The following AK9 variants were observed in gnomAD, a reference collection of about 807,000 sequenced individuals.
AK9 encodes the protein adenylate kinase 9, also known as adenylate kinase domain containing 1.
AK9 carries 191 observed loss-of-function variants against 239.6 expected under a neutral mutation model. The observed-to-expected ratio is 0.80, with a 90% CI of 0.71 to 0.90. AK9 has a LOEUF of 0.90. Ranked by LOEUF, AK9 falls within the 40% of genes least tolerant of loss-of-function variation. The pLI is 0.00. For synonymous variants in AK9, 689 were observed against 721.0 expected, an observed-to-expected ratio of 0.96 and a Z score of 0.71; for missense variants, 1,995 against 2,214.7, an observed-to-expected ratio of 0.90 and a Z score of 1.99.
At chr6:109,672,075 T>C in intron 4 of AK9, 40 bp downstream of exon 4, 3 of 1,612,508 alleles carry the variant, frequency 1.9e-6, no homozygotes, top group Non-Finnish European at 2.5e-6. Flanking sequence ...ACAGAGCTTT[T>C]TTTGTAATCA....
chr6:109,675,753 A>C lies in AK9; in HGVS notation c.-8T>G. ...CTTCTCTTGAGAAGTCATGACACAA[A>C]ATACTACAATAAAAAAGGGTAAGAT... On this transcript the variant is annotated 5_prime_UTR_variant, in exon 2 of 41. The change creates a new upstream start codon in the 5' untranslated region. Coordinates refer to ENST00000424296, the MANE Select transcript of AK9 (RefSeq NM_001145128.3). 2 of 1,506,008 alleles carry C rather than the reference A, an allele frequency of 1.3e-6. No individual in the cohort carries two copies. Among genetic ancestry groups the C allele is most frequent in the Non-Finnish European group, 1.8e-6 (2 of 1,103,244 alleles). The allele number at this position is 1,506,008 out of a possible 1,614,324, so 93.3% of individuals were successfully genotyped here. A position where few individuals can be genotyped will look rare whatever the true frequency, so the allele number is the denominator to read the frequency against.
intron 12 of AK9, among the ~76,000 whole-genome samples, chr6:109,620,841 T>C (rs1473497843): frequency 6.6e-6 from 1 of 151,290 alleles, no homozygotes; most frequent in Non-Finnish European, 1.5e-5. Flanking sequence ...ATATACTATA[T>C]ATACTATTCA....
chr6:109,512,191 T>A (rs1357467544), intron 32 of AK9, among the ~76,000 whole-genome samples: 8 of 152,196 alleles, frequency 5.3e-5, no homozygotes, highest in Admixed American at 6.5e-5. Flanking sequence ...AAAACCAAGA[T>A]GGCAATGAGA....
chr6:109,614,619 T>C (rs915368081), intron 13 of AK9, 139 bp from the exon 14 acceptor site: 7 of 668,948 alleles, frequency 1.0e-5, no homozygotes, highest in Middle Eastern at 4.1e-4. Context: ...GCTGTGTGAC[T>C]TTGGTAAATC....
At position 109,515,806 on chromosome 6, in the gene AK9, T is replaced by C. The variant is rs1291441210; in HGVS notation, c.4065+51A>G. 3 of 1,455,292 alleles carry C rather than the reference T, an allele frequency of 2.1e-6. No individual in the cohort carries two copies. The African/African-American group carries it at 4.3e-5, about 21-fold the overall frequency. The allele number at this position is 1,455,292 out of a possible 1,614,324, so 90.1% of individuals were successfully genotyped here. A position where few individuals can be genotyped will look rare whatever the true frequency, so the allele number is the denominator to read the frequency against. On this transcript the variant is annotated intron_variant, in intron 31 of 40. Transcript: ENST00000424296. Reference sequence around the variant, plus strand: ...TTTTCCTTTAAAAAAGACATACCTTTGAAAAAAATAAATAAGGAACATGGC... The same window carrying C: ...TTTTCCTTTAAAAAAGACATACCTTCGAAAAAAATAAATAAGGAACATGGC...
chr6:109,518,201 GA>G (rs1779463995), intron 29 of AK9, among the ~76,000 whole-genome samples: 1 of 152,110 alleles, frequency 6.6e-6, no homozygotes, highest in Admixed American at 6.5e-5. Flanking sequence ...AGAGCATCAG[GA>G]CCCATTCCTG....
intron 35 of AK9, among the ~76,000 whole-genome samples, chr6:109,504,294 T>A (rs1777887570): frequency 6.6e-6 from 1 of 151,000 alleles, no homozygotes; most frequent in African/African-American, 2.4e-5. Flanking sequence ...AGACTAGGAG[T>A]TCAAAGCTAC....
At chr6:109,574,884 G>A (rs564426414) in intron 20 of AK9, among the ~76,000 whole-genome samples, 11 of 152,040 alleles carry the variant, frequency 7.2e-5, no homozygotes, top group South Asian at 6.2e-4. Flanking sequence ...GCAAATTCCC[G>A]AAGTCTATTA....
At chr6:109,596,070 A>T (rs915306411) in intron 17 of AK9, among the ~76,000 whole-genome samples, 2 of 152,124 alleles carry the variant, frequency 1.3e-5, no homozygotes, top group Non-Finnish European at 2.9e-5. Context: ...TGGGTATTGC[A>T]GTTCAACCTC....
intron 24 of AK9, among the ~76,000 whole-genome samples, chr6:109,561,408 T>C (rs1785755443): frequency 6.6e-6 from 1 of 152,170 alleles, no homozygotes. Context: ...CTCGACCTCC[T>C]GGGCTCGGGC....
At chr6:109,568,399 A>G (rs1165573622) in intron 21 of AK9, among the ~76,000 whole-genome samples, 2 of 152,154 alleles carry the variant, frequency 1.3e-5, no homozygotes, top group Non-Finnish European at 2.9e-5. Context: ...CACCACTCCT[A>G]TTCAACATAG....
intron 17 of AK9, among the ~76,000 whole-genome samples, chr6:109,592,062 G>C (rs1369835041): frequency 6.6e-6 from 1 of 150,772 alleles, no homozygotes; most frequent in Middle Eastern, 3.2e-3. Context: ...TTCATGAAAT[G>C]AATCTTTTGC....
intron 1 of AK9, among the ~76,000 whole-genome samples, 186 bp from the exon 2 acceptor site, chr6:109,675,942 T>C (rs150894971): frequency 6.6e-6 from 1 of 152,082 alleles, no homozygotes; most frequent in South Asian, 2.1e-4. Context: ...AGCTCTTAGT[T>C]TGAGACAAAA....
intron 29 of AK9, among the ~76,000 whole-genome samples, chr6:109,516,963 T>C (rs1229444729): frequency 6.6e-6 from 1 of 152,172 alleles, no homozygotes; most frequent in Non-Finnish European, 1.5e-5. Context: ...TGTGACTTTA[T>C]GTTTATAGTT....
At chr6:109,591,847 C>G (rs1044432778) in intron 17 of AK9, among the ~76,000 whole-genome samples, 3 of 124,580 alleles carry the variant, frequency 2.4e-5, no homozygotes, top group Non-Finnish European at 5.4e-5. Context: ...TTTTTAAAAC[C>G]CTTTTCCTAT....
intron 8 of AK9, among the ~76,000 whole-genome samples, chr6:109,648,590 C>T (rs1798432232): frequency 6.6e-6 from 1 of 152,112 alleles, no homozygotes; most frequent in Admixed American, 6.5e-5. Flanking sequence ...GAAATTGACG[C>T]AATAATCAAT....
chr6:109,664,636 G>A (rs1272308584), intron 5 of AK9, among the ~76,000 whole-genome samples: 1 of 151,772 alleles, frequency 6.6e-6, no homozygotes, highest in Non-Finnish European at 1.5e-5. Flanking sequence ...TGTTGGCCAG[G>A]ATGGTCTCGA....
chr6:109,524,948 T>A (rs957657603), intron 29 of AK9, among the ~76,000 whole-genome samples: 1 of 152,154 alleles, frequency 6.6e-6, no homozygotes, highest in African/African-American at 2.4e-5. Context: ...AAACGAAGCA[T>A]AGAGTTATAC....
intron 21 of AK9, among the ~76,000 whole-genome samples, chr6:109,572,358 T>C (rs1416959729): frequency 1.3e-5 from 2 of 152,156 alleles, no homozygotes; most frequent in Admixed American, 1.3e-4. Flanking sequence ...AATATTCTGC[T>C]CAATGAAATG....
Sources: gnomAD v4.1 joint callset for allele counts (sites outside exome capture counted in the v4.1 genomes callset) on GRCh38, gnomAD v4.1.1 for gene constraint, MANE v1.5 for transcripts, NCBI Gene and HGNC (gene_info 2026-07-23, HGNC 2026-07-21) for gene names.